Variants in CRTC1 observed in about 807,000 individuals in gnomAD.
CRTC1 encodes CREB regulated transcription coactivator 1.
A neutral mutation model predicts 66.1 loss-of-function variants in CRTC1; 18 were observed. The observed-to-expected ratio is 0.27, with a 90% CI of 0.19 to 0.40. The LOEUF (loss-of-function observed/expected upper bound fraction) is 0.40, where lower values mean the gene tolerates loss of function less well. Ranked by LOEUF, CRTC1 falls within the 10% of genes least tolerant of loss-of-function variation. CRTC1 has a pLI of 1.00. For missense variants in CRTC1, 669 were observed against 887.9 expected, an observed-to-expected ratio of 0.75 and a Z score of 3.13; for synonymous variants, 416 against 398.8, an observed-to-expected ratio of 1.04 and a Z score of -0.51.
In CRTC1 at chr19:18,749,892, C is replaced by T. The variant is rs201989713; in HGVS notation, c.538+17C>T. ...AGAAAAGAGGTATGGACAGGGGACT[C>T]GGGTGTCTCTGCTGGGGTGAGGCAA... is the stretch of plus-strand genomic sequence containing the variant. On this transcript the variant is annotated intron_variant, in intron 5 of 13. Transcript: ENST00000321949. 17 of 1,605,358 alleles carry T rather than the reference C, an allele frequency of 1.1e-5. No homozygotes were observed. The highest frequency in any genetic ancestry group is 4.0e-5 in the African/African-American group (3 of 74,814).
intron 6 of CRTC1, among the ~76,000 whole-genome samples, chr19:18,758,197 T>TA (rs1195771470): frequency 1.4e-5 from 2 of 147,672 alleles, no homozygotes; most frequent in African/African-American, 5.0e-5. Flanking sequence ...CCGTCTCTAC[T>TA]AAAAATACAA....
chr19:18,725,063 C>G (rs919254894), intron 1 of CRTC1, among the ~76,000 whole-genome samples: 1 of 152,002 alleles, frequency 6.6e-6, no homozygotes, highest in Admixed American at 6.5e-5. Context: ...GGGGGTGTCC[C>G]CTTTGTCCTG....
chr19:18,698,465 T>G (rs533611599), intron 1 of CRTC1, among the ~76,000 whole-genome samples: 195 of 145,440 alleles, frequency 1.3e-3, no homozygotes, highest in Admixed American at 3.4e-3. Flanking sequence ...CAGTGTGTAC[T>G]CAGCAGGCAC....
intron 2 of CRTC1, among the ~76,000 whole-genome samples, chr19:18,745,102 A>G (rs182222416): frequency 6.6e-6 from 1 of 152,154 alleles, no homozygotes; most frequent in Non-Finnish European, 1.5e-5. Flanking sequence ...CCCCGGGGGC[A>G]TGAGGCCGGG....
intron 1 of CRTC1, among the ~76,000 whole-genome samples, chr19:18,715,929 G>C (rs2053496533): frequency 6.6e-6 from 1 of 152,202 alleles, no homozygotes; most frequent in Admixed American, 6.5e-5. Flanking sequence ...GCTGTTTGGA[G>C]CTGTCCCCGG....
chr19:18,759,297 G>A (rs2054560868), intron 6 of CRTC1, among the ~76,000 whole-genome samples: 1 of 152,250 alleles, frequency 6.6e-6, no homozygotes, highest in South Asian at 2.1e-4. Flanking sequence ...GGAGCAGGGG[G>A]AGGGGACCCA....
chr19:18,691,643 C>T (rs1012651360), intron 1 of CRTC1, among the ~76,000 whole-genome samples: 13 of 152,038 alleles, frequency 8.6e-5, no homozygotes, highest in African/African-American at 3.1e-4. Flanking sequence ...CCCAGAGCCC[C>T]CAGAAGCTGG....
intron 4 of CRTC1, among the ~76,000 whole-genome samples, chr19:18,748,480 A>G (rs1216659053): frequency 2.1e-5 from 3 of 146,092 alleles, no homozygotes; most frequent in African/African-American, 7.6e-5. Context: ...CGGCCTCCCA[A>G]AGTGCTGGGA....
At chr19:18,721,515 A>T (rs547896278) in intron 1 of CRTC1, among the ~76,000 whole-genome samples, 48 of 118,254 alleles carry the variant, frequency 4.1e-4, no homozygotes, top group South Asian at 1.1e-3. Context: ...TTTTTTTTTA[A>T]ACAAGGTCTT....
At chr19:18,703,877 C>T (rs533704376) in intron 1 of CRTC1, among the ~76,000 whole-genome samples, 29 of 152,336 alleles carry the variant, frequency 1.9e-4, no homozygotes, top group East Asian at 1.5e-3. Context: ...GGATTGCAGG[C>T]GAGAGCCACT....
At chr19:18,773,122 T>C (rs1177809286) in intron 11 of CRTC1, among the ~76,000 whole-genome samples, 1 of 152,124 alleles carries the variant, frequency 6.6e-6, no homozygotes, top group Non-Finnish European at 1.5e-5. Context: ...GTGTCTGGTG[T>C]CCGTCGTGCG....
rs560859212 is a variant in CRTC1, at chr19:18,746,524, G to A, written c.382-529G>A. Among the ~76,000 whole-genome samples, 3 of 119,370 alleles carry A rather than the reference G, an allele frequency of 2.5e-5. No homozygotes were observed. The South Asian group carries it at 9.4e-4, about 37-fold the overall frequency. 78.3% of individuals were successfully genotyped at this position (119,370 alleles called of 152,430 possible). A position where few individuals can be genotyped will look rare whatever the true frequency, so the allele number is the denominator to read the frequency against. On this transcript the variant is annotated intron_variant, in intron 3 of 13. Transcript: ENST00000321949. ...GCCGCCCCTTGGTGCTCAGCCAGCC[G>A]GGCCCCACAACACCAGAGTCTGAGC...
chr19:18,701,201 C>A (rs765785830), intron 1 of CRTC1, among the ~76,000 whole-genome samples: 1 of 152,262 alleles, frequency 6.6e-6, no homozygotes, highest in African/African-American at 2.4e-5. Flanking sequence ...TGCCTGCTCG[C>A]GGGCCCGCCC....
Position 18,775,785 on chromosome 19 carries a change from G to A in CRTC1, c.1657G>A (p.Ala553Thr), listed in dbSNP as rs202030213. The A allele has an allele frequency of 2.4e-5, 38 of 1,607,616 alleles. No individual in the cohort carries two copies. Among genetic ancestry groups the A allele is most frequent in the South Asian group, 2.1e-4 (19 of 90,434 alleles). Residue 553 changes from alanine (A) to threonine (T), a missense_variant, in exon 13 of 14, where the codon GCC becomes ACC. Coordinates refer to ENST00000321949, the MANE Select transcript of CRTC1 (RefSeq NM_015321.3). Reference sequence around the variant, plus strand: ...GCCGGACTCGCAGCAACTGGGATACGCCAGCCACAGTGGCATCCCCAACAT... The same window carrying A: ...GCCGGACTCGCAGCAACTGGGATACACCAGCCACAGTGGCATCCCCAACAT... ...SLPDSQQLGY[A>T]SHSGIPNIIL...
At chr19:18,744,694 C>G (rs1018829808) in intron 2 of CRTC1, among the ~76,000 whole-genome samples, 1 of 152,198 alleles carries the variant, frequency 6.6e-6, no homozygotes, top group Non-Finnish European at 1.5e-5. Flanking sequence ...AGCCTGTGCA[C>G]TGGACAGCAC....
chr19:18,771,345 C>A lies in CRTC1; in HGVS notation c.1321-97C>A. On this transcript the variant is annotated intron_variant, in intron 10 of 13. Coordinates refer to ENST00000321949, the MANE Select transcript of CRTC1 (RefSeq NM_015321.3). This position sits in a 1 kb window ranked among gnomAD's most constrained non-coding sequence, Gnocchi z 4.6. ...ACCAAGGTGTGAGGGGCGGGGGGAC[C>A]TGCCTGGGGGCTGATCAGGCTGCTC... 9.5e-7 allele frequency: 1 copy of A among 1,047,840 alleles called. No homozygotes were observed. Among genetic ancestry groups the A allele is most frequent in the Non-Finnish European group, 1.4e-6 (1 of 724,206 alleles). 64.9% of individuals were successfully genotyped at this position (1,047,840 alleles called of 1,614,324 possible).
rs1276945759 is a variant in CRTC1 at position 18,710,901 on chromosome 19, C to A, written c.126+27073C>A. ...AAAGTGCTGGGATTACAGGTGTGAACCACCGCGCCCGGCCTCACCCTTGAC... is the reference window on the plus strand; with the variant it reads ...AAAGTGCTGGGATTACAGGTGTGAAACACCGCGCCCGGCCTCACCCTTGAC... On this transcript the variant is annotated intron_variant, in intron 1 of 13. Transcript: ENST00000321949. 2.0e-5 allele frequency among the ~76,000 whole-genome samples: 3 copies of A among 152,162 alleles called. No homozygotes were observed. In the East Asian group the frequency reaches 5.8e-4, roughly 29 times the overall value.
intron 6 of CRTC1, among the ~76,000 whole-genome samples, chr19:18,758,060 AT>A (rs894639646): frequency 2.7e-5 from 4 of 150,804 alleles, no homozygotes; most frequent in African/African-American, 4.9e-5. Context: ...AAAATTAAAC[AT>A]TTTTTTAAAA....
chr19:18,706,047 G>T (rs1306798523), intron 1 of CRTC1, among the ~76,000 whole-genome samples: 1 of 148,960 alleles, frequency 6.7e-6, no homozygotes, highest in Non-Finnish European at 1.5e-5. Context: ...TTTGCACTTG[G>T]AGATCCTGTT....
Sources: allele counts gnomAD v4.1 joint callset (sites outside exome capture counted in the v4.1 genomes callset), GRCh38; gene constraint gnomAD v4.1.1; non-coding constraint Gnocchi (gnomAD v3.1); transcripts MANE v1.5; gene names NCBI Gene and HGNC (gene_info 2026-07-23, HGNC 2026-07-21).